Variants in COBL observed in about 807,000 individuals in gnomAD.
COBL encodes the protein protein cordon-bleu.
A neutral mutation model predicts 98.8 loss-of-function variants in COBL; 51 were observed. That is an observed-to-expected ratio of 0.52 (90% CI 0.41 to 0.65). The LOEUF is 0.65. Ranked by LOEUF, COBL falls within the 30% of genes least tolerant of loss-of-function variation. The pLI is 0.00. For synonymous variants in COBL, 634 were observed against 651.7 expected (o/e 0.97, Z 0.41); for missense variants, 1,617 against 1,617.5 (o/e 1.00, Z 0.01).
chr7:51,026,495 G>T, intron 11 of COBL, 51 bp downstream of exon 11: 1 of 1,599,898 alleles, frequency 6.3e-7, no homozygotes, highest in South Asian at 1.1e-5. Context: ...TCGGAAGAAG[G>T]GGTGGGTGGG....
rs142834582 is a variant in COBL at position 51,263,217 on chromosome 7, G to C, written c.42-43273C>G. Among the ~76,000 whole-genome samples, 822 of 152,250 alleles carry C rather than the reference G, an allele frequency of 5.4e-3. 1 individual carries two copies. The highest frequency in any genetic ancestry group is 8.1e-3 in the Non-Finnish European group (548 of 68,010). ...CAGCACCTGTCATCTACACTGCACT[G>C]GGGAAAGGTGCAAGAGACACCCTCC... On this transcript the variant is annotated intron_variant, in intron 1 of 12. Transcript: ENST00000265136.
At chr7:51,295,228 G>T (rs1253035302) in intron 1 of COBL, among the ~76,000 whole-genome samples, 2 of 151,094 alleles carry the variant, frequency 1.3e-5, no homozygotes, top group Non-Finnish European at 1.5e-5. Flanking sequence ...AGAGGTTGTC[G>T]TGAGCTGATA....
chr7:51,205,338 TAGAG>T (rs1312800949), intron 2 of COBL, among the ~76,000 whole-genome samples: 2 of 152,036 alleles, frequency 1.3e-5, no homozygotes, highest in Non-Finnish European at 2.9e-5. Context: ...TGGAACAAAA[TAGAG>T]AGCCCAAAAA....
intron 1 of COBL, among the ~76,000 whole-genome samples, chr7:51,288,771 A>C (rs1307368541): frequency 1.4e-5 from 2 of 146,926 alleles, no homozygotes; most frequent in East Asian, 4.6e-4. Flanking sequence ...TAAAATAAAT[A>C]AATAATAATT....
chr7:51,122,510 T>C (rs1016939105), intron 6 of COBL, among the ~76,000 whole-genome samples: 1 of 152,264 alleles, frequency 6.6e-6, no homozygotes, highest in Non-Finnish European at 1.5e-5. Context: ...TTAGAAAGGT[T>C]GTTTTGTACC....
At chr7:51,268,932 TAAAA>T (rs34068228) in intron 1 of COBL, among the ~76,000 whole-genome samples, 4 of 103,554 alleles carry the variant, frequency 3.9e-5, no homozygotes, top group Admixed American at 1.0e-4. Context: ...CCCGTCTCAA[TAAAA>T]AAAAAAAAAA....
In COBL at chr7:51,161,970, GTGC is replaced by G. The variant is rs1325791013; in HGVS notation, c.783+22129_783+22131del. On this transcript the variant is annotated intron_variant, in intron 5 of 12. Transcript: ENST00000265136. Reference sequence around the variant, plus strand: ...ATAATAATTTCTTTTCCATTTTTGTGTGCTGAATTGCAAATTAACTCAGGTACC... The same window carrying G: ...ATAATAATTTCTTTTCCATTTTTGTGTGAATTGCAAATTAACTCAGGTACC... 2.6e-5 allele frequency among the ~76,000 whole-genome samples: 4 copies of G among 152,146 alleles called. No homozygotes were observed. The East Asian group carries it at 7.7e-4, about 29-fold the overall frequency.
At chr7:51,114,055 C>T (rs986940465) in intron 6 of COBL, among the ~76,000 whole-genome samples, 9 of 152,232 alleles carry the variant, frequency 5.9e-5, no homozygotes, top group Non-Finnish European at 1.0e-4. Context: ...ACACTCTGAA[C>T]TGCTGTGAAA....
intron 7 of COBL, chr7:51,072,722 T>C (rs974942477): frequency 2.6e-5 from 4 of 152,206 alleles, no homozygotes; most frequent in Non-Finnish European, 4.4e-5. Flanking sequence ...TATAGAATAA[T>C]GAATAGAACA....
At chr7:51,034,612 CTCTT>C (rs1009026217) in intron 8 of COBL, 4 of 152,250 alleles carry the variant, frequency 2.6e-5, no homozygotes, top group African/African-American at 4.8e-5. Context: ...ACATTCCTCT[CTCTT>C]TGCAAAACCA....
intron 6 of COBL, among the ~76,000 whole-genome samples, chr7:51,097,745 T>C (rs3966551): frequency 0.67 from 101,313 of 152,060 alleles, 35,084 homozygotes; most frequent in African/African-American, 0.87. Context: ...TTAATCAGGC[T>C]GGGTGCAGTG....
chr7:51,169,505 G>A (rs1202975630), intron 5 of COBL, among the ~76,000 whole-genome samples: 1 of 152,192 alleles, frequency 6.6e-6, no homozygotes, highest in East Asian at 1.9e-4. Context: ...ACACAATGGA[G>A]TGCTAGTCAA....
At chr7:51,272,948 CCAA>C (rs202039697) in intron 1 of COBL, among the ~76,000 whole-genome samples, 9,138 of 146,122 alleles carry the variant, frequency 0.063, 395 homozygotes, top group South Asian at 0.18. Context: ...GAACACAATA[CCAA>C]CAACAACAAC....
chr7:51,128,617 C>A (rs529011122), intron 6 of COBL, among the ~76,000 whole-genome samples: 214 of 152,332 alleles, frequency 1.4e-3, no homozygotes, highest in Non-Finnish European at 2.2e-3. Flanking sequence ...AAAGCAGAAG[C>A]TCGGCCGCTC....
intron 2 of COBL, among the ~76,000 whole-genome samples, chr7:51,194,697 A>G (rs1170910226): frequency 3.3e-5 from 5 of 151,958 alleles, no homozygotes; most frequent in African/African-American, 4.8e-5. Flanking sequence ...TTTGATTTGC[A>G]TTTCTCTAAT....
At chr7:51,211,250 G>A (rs989954079) in intron 2 of COBL, among the ~76,000 whole-genome samples, 1 of 152,180 alleles carries the variant, frequency 6.6e-6, no homozygotes, top group Non-Finnish European at 1.5e-5. Context: ...ATTAGGGATT[G>A]GGCGTGATTT....
chr7:51,310,618 C>T (rs943323683), intron 1 of COBL, among the ~76,000 whole-genome samples: 12 of 152,202 alleles, frequency 7.9e-5, no homozygotes, highest in East Asian at 3.9e-4. Context: ...CCAGCCAGGA[C>T]GCGTGACTTA....
chr7:51,207,765 G>A (rs1364307694), intron 2 of COBL, among the ~76,000 whole-genome samples: 1 of 152,254 alleles, frequency 6.6e-6, no homozygotes, highest in Non-Finnish European at 1.5e-5. Context: ...GCAGTGACGT[G>A]ATCTCAGCTC....
intron 2 of COBL, among the ~76,000 whole-genome samples, chr7:51,219,201 G>A (rs1793378255): frequency 6.6e-6 from 1 of 152,128 alleles, no homozygotes; most frequent in Non-Finnish European, 1.5e-5. Flanking sequence ...GGGAACTGAG[G>A]GTCTCAAATT....
Sources: gnomAD v4.1 joint callset for allele counts (sites outside exome capture counted in the v4.1 genomes callset) on GRCh38, gnomAD v4.1.1 for gene constraint, MANE v1.5 for transcripts, NCBI Gene and HGNC (gene_info 2026-07-23, HGNC 2026-07-21) for gene names.